CMC1: variants seen among roughly 807,000 people sequenced by gnomAD.
The protein encoded by CMC1 is C-X9-C motif containing 1.
A neutral mutation model predicts 14.1 loss-of-function variants in CMC1; 14 were observed. That is an observed-to-expected ratio of 0.99 (90% CI 0.66 to 1.55). CMC1 has a LOEUF of 1.55. Among genes scored for constraint, CMC1 ranks in the 40% most tolerant of loss-of-function variants. The pLI is 0.00. For missense variants in CMC1, 127 were observed against 123.8 expected, an observed-to-expected ratio of 1.03 and a Z score of -0.12; for synonymous variants, 50 against 38.4, an observed-to-expected ratio of 1.30 and a Z score of -1.12.
intron 2 of CMC1, among the ~76,000 whole-genome samples, chr3:28,285,545 G>A (rs1189439182): frequency 6.6e-6 from 1 of 152,022 alleles, no homozygotes; most frequent in Non-Finnish European, 1.5e-5. Flanking sequence ...GGTAGGAAGT[G>A]GGTAAGGGAT....
intron 2 of CMC1, among the ~76,000 whole-genome samples, chr3:28,283,702 T>C (rs1701030659): frequency 6.6e-6 from 1 of 152,192 alleles, no homozygotes; most frequent in African/African-American, 2.4e-5. Flanking sequence ...TCCAGACAGA[T>C]GATATGCCTT....
At chr3:28,302,467 A>C (rs574451529) in intron 2 of CMC1, among the ~76,000 whole-genome samples, 5 of 152,250 alleles carry the variant, frequency 3.3e-5, no homozygotes, top group African/African-American at 1.2e-4. Flanking sequence ...GGAATCTTCT[A>C]TGTGATCTTT....
At chr3:28,319,049 T>A (rs1001767934) in intron 3 of CMC1, 6 of 345,118 alleles carry the variant, frequency 1.7e-5, no homozygotes, top group African/African-American at 1.3e-4. Flanking sequence ...TTGGCAGGTT[T>A]TCCTGCATTA....
chr3:28,262,589 T>C (rs1009844461), intron 1 of CMC1, among the ~76,000 whole-genome samples: 5 of 152,180 alleles, frequency 3.3e-5, no homozygotes, highest in Non-Finnish European at 7.4e-5. Context: ...TCCTGGATAC[T>C]CTATAGTAAT....
At chr3:28,306,068 A>T (rs1011743058) in intron 2 of CMC1, among the ~76,000 whole-genome samples, 122 of 151,920 alleles carry the variant, frequency 8.0e-4, no homozygotes, top group Non-Finnish European at 1.2e-4. Context: ...TACTGGTCCC[A>T]TGCTATTTTG....
At chr3:28,243,958 CTG>C (rs1383272397) in intron 1 of CMC1, among the ~76,000 whole-genome samples, 1 of 152,162 alleles carries the variant, frequency 6.6e-6, no homozygotes, top group East Asian at 1.9e-4. Context: ...GAATTGGAAT[CTG>C]AGGGATGAGA....
In CMC1 at chr3:28,324,112, A is replaced by C. The variant is rs376499436; in HGVS notation, c.*4483A>C. ...CAGTGGTGGAAGGTTGGGTAAAGGC[A>C]AAGTTTTAGTTTTAGTTTCCCCAAA... On this transcript the variant is annotated 3_prime_UTR_variant, in exon 4 of 4. Coordinates refer to ENST00000466830, the MANE Select transcript of CMC1 (RefSeq NM_182523.2). The C allele has an allele frequency of 6.2e-6, 10 of 1,610,390 alleles. No individual in the cohort carries two copies. The highest frequency in any genetic ancestry group is 1.1e-5 in the South Asian group (1 of 90,966).
At chr3:28,257,909 A>C in intron 1 of CMC1, among the ~76,000 whole-genome samples, 1 of 152,134 alleles carries the variant, frequency 6.6e-6, no homozygotes, top group East Asian at 1.9e-4. Flanking sequence ...ATCATTTCAC[A>C]GTCCCATCAG....
intron 2 of CMC1, among the ~76,000 whole-genome samples, chr3:28,274,214 T>TTTTTTTG (rs1553615927): frequency 0.014 from 1,750 of 122,266 alleles, 76 homozygotes; most frequent in African/African-American, 0.054. Flanking sequence ...GTGTTTTTGT[T>TTTTTTTG]TTTTTCTTTT....
At chr3:28,265,778 G>A (rs1172103698) in intron 2 of CMC1, among the ~76,000 whole-genome samples, 1 of 152,164 alleles carries the variant, frequency 6.6e-6, no homozygotes, top group Non-Finnish European at 1.5e-5. Flanking sequence ...ACCAACAGCA[G>A]TTATTGACAG....
At chr3:28,292,582 C>G (rs1701529322) in intron 2 of CMC1, among the ~76,000 whole-genome samples, 2 of 152,082 alleles carry the variant, frequency 1.3e-5, no homozygotes, top group South Asian at 4.1e-4. Flanking sequence ...CATTCCCTTT[C>G]TTGAATTTTC....
In CMC1 at chr3:28,253,115, G is replaced by A. The variant is rs543243354; in HGVS notation, c.20-10176G>A. 2.6e-4 allele frequency among the ~76,000 whole-genome samples: 40 copies of A among 152,220 alleles called. 2 individuals carry two copies. The highest frequency in any genetic ancestry group is 1.9e-3 in the South Asian group (9 of 4,816). On this transcript the variant is annotated intron_variant, in intron 1 of 3. Coordinates refer to ENST00000466830, the MANE Select transcript of CMC1 (RefSeq NM_182523.2). ...GAACAAACTGGCAAGAGGAATATCT[G>A]GTCATGAGCATACATATCTTTGTGC...
intron 1 of CMC1, among the ~76,000 whole-genome samples, chr3:28,252,491 C>G (rs1487201879): frequency 1.3e-5 from 2 of 152,128 alleles, no homozygotes; most frequent in Non-Finnish European, 2.9e-5. Context: ...CAAATTGCTC[C>G]CCTTGCTTTT....
At chr3:28,284,846 C>T (rs559371010) in intron 2 of CMC1, among the ~76,000 whole-genome samples, 5 of 152,050 alleles carry the variant, frequency 3.3e-5, no homozygotes, top group Non-Finnish European at 7.4e-5. Context: ...TTCCAGTAGG[C>T]CAAGGATTCT....
At chr3:28,260,116 A>G (rs542364384) in intron 1 of CMC1, among the ~76,000 whole-genome samples, 31 of 152,238 alleles carry the variant, frequency 2.0e-4, no homozygotes, top group Admixed American at 4.6e-4. Flanking sequence ...CATGGATTAC[A>G]TGGTTTGAAT....
At chr3:28,276,060 G>C (rs562726927) in intron 2 of CMC1, among the ~76,000 whole-genome samples, 1 of 152,282 alleles carries the variant, frequency 6.6e-6, no homozygotes, top group East Asian at 1.9e-4. Context: ...ATCATCTGCA[G>C]TGATGGCAGC....
At chr3:28,262,760 T>C (rs1228222992) in intron 1 of CMC1, among the ~76,000 whole-genome samples, 1 of 152,158 alleles carries the variant, frequency 6.6e-6, no homozygotes, top group African/African-American at 2.4e-5. Flanking sequence ...CAATTTGCCA[T>C]TTTAGTCCAG....
chr3:28,271,033 C>T (rs967898434), intron 2 of CMC1, among the ~76,000 whole-genome samples: 51 of 149,780 alleles, frequency 3.4e-4, no homozygotes, highest in African/African-American at 1.1e-3. Context: ...CAGGTTCAAG[C>T]GATTCTCCTG....
intron 2 of CMC1, among the ~76,000 whole-genome samples, chr3:28,269,043 C>G (rs573374543): frequency 6.6e-6 from 1 of 152,260 alleles, no homozygotes; most frequent in South Asian, 2.1e-4. Context: ...TTTATTGTTA[C>G]AAACATTCTA....
Sources: allele counts gnomAD v4.1 joint callset (sites outside exome capture counted in the v4.1 genomes callset), GRCh38; gene constraint gnomAD v4.1.1; transcripts MANE v1.5; gene names NCBI Gene and HGNC (gene_info 2026-07-23, HGNC 2026-07-21).